Variants in IQSEC1 observed in about 807,000 individuals in gnomAD.
IQSEC1 encodes IQ motif and SEC7 domain-containing protein 1.
IQSEC1 carries 31 observed loss-of-function variants against 91.0 expected under a neutral mutation model. The ratio of observed to expected loss-of-function variants is 0.34; its 90% confidence interval spans 0.26 to 0.46. The LOEUF is 0.46. IQSEC1 is among the 20% of genes least tolerant of loss of function. The probability of loss-of-function intolerance (pLI) is 1.00; values close to 1 mark genes in which losing one functional copy is unlikely to be tolerated. For synonymous variants in IQSEC1, 699 were observed against 662.6 expected, an observed-to-expected ratio of 1.05 and a Z score of -0.84; for missense variants, 1,388 against 1,575.6, an observed-to-expected ratio of 0.88 and a Z score of 2.02.
intron 2 of IQSEC1, among the ~76,000 whole-genome samples, chr3:13,081,386 G>T (rs1048978689): frequency 6.6e-6 from 1 of 152,050 alleles, no homozygotes; most frequent in Non-Finnish European, 1.5e-5. Flanking sequence ...CTCCCACCTC[G>T]GCCTTCCAAA....
Position 12,909,253 on chromosome 3 carries a change from CCATGAGG to C in IQSEC1, c.2578+13_2578+19del. The C allele has an allele frequency of 6.2e-7, 1 of 1,611,922 alleles. No homozygotes were observed. The highest frequency in any genetic ancestry group is 8.5e-7 in the Non-Finnish European group (1 of 1,178,292). ...AGTCTGGCAAGTCTCGGCCTTCTGT[CCATGAGG>C]CCTGGTACTCACACTCTATCCTGTG... On this transcript the variant is annotated intron_variant, in intron 11 of 13. Coordinates refer to ENST00000613206, the MANE Select transcript of IQSEC1 (RefSeq NM_001134382.3). The surrounding 1 kb of genome is among the most constrained non-coding windows in gnomAD (Gnocchi z 4.9).
At chr3:13,268,711 C>T (rs1303661452) in intron 1 of IQSEC1, among the ~76,000 whole-genome samples, 9 of 152,232 alleles carry the variant, frequency 5.9e-5, no homozygotes, top group Non-Finnish European at 2.9e-5. Flanking sequence ...AAGTCCTTTG[C>T]CCCTAGGGGT....
intron 1 of IQSEC1, among the ~76,000 whole-genome samples, chr3:13,051,075 G>T (rs1704674599): frequency 6.6e-6 from 1 of 152,150 alleles, no homozygotes; most frequent in South Asian, 2.1e-4. Flanking sequence ...CCAGAGTTCT[G>T]TCCACCTGCT....
intron 1 of IQSEC1, among the ~76,000 whole-genome samples, chr3:13,183,569 C>CA (rs1241163234): frequency 1.0e-4 from 15 of 147,070 alleles, no homozygotes; most frequent in South Asian, 4.3e-4. Flanking sequence ...CCATCTCAAA[C>CA]AAAAAAAAAG....
At chr3:13,003,544 T>G (rs1197380957) in intron 1 of IQSEC1, among the ~76,000 whole-genome samples, 1 of 152,156 alleles carries the variant, frequency 6.6e-6, no homozygotes, top group African/African-American at 2.4e-5. Context: ...AAAAATAAAA[T>G]TGTGATGGTT....
intron 2 of IQSEC1, among the ~76,000 whole-genome samples, chr3:12,938,400 G>A (rs1176964598): frequency 6.6e-6 from 1 of 152,194 alleles, no homozygotes; most frequent in Non-Finnish European, 1.5e-5. Context: ...GGCCACGCAG[G>A]GCCTTGCATG....
intron 1 of IQSEC1, among the ~76,000 whole-genome samples, chr3:12,989,524 G>A (rs1054067773): frequency 2.6e-5 from 4 of 152,176 alleles, no homozygotes; most frequent in Non-Finnish European, 5.9e-5. Flanking sequence ...CATGCACAAA[G>A]CTAGGAAGCT....
chr3:12,936,727 C>A (rs1408506420), intron 2 of IQSEC1, 30 bp from the exon 3 acceptor site: 4 of 1,533,932 alleles, frequency 2.6e-6, no homozygotes, highest in Admixed American at 2.0e-5. Context: ...ATGAGAACAG[C>A]ACTGCATGTA....
Position 12,908,874 on chromosome 3 carries a change from CTCCAAGGAGTAGACCTGGA to C in IQSEC1, c.2579-368_2579-350del, listed in dbSNP as rs943912477. ...GGCAGTGGTAGGGAGTCCCATGTGC[CTCCAAGGAGTAGACCTGGA>C]GCCAGGGAGTAGACCTGGAGCCAGG... On this transcript the variant is annotated intron_variant, in intron 11 of 13. Transcript: ENST00000613206. This position sits in a 1 kb window ranked among gnomAD's most constrained non-coding sequence, Gnocchi z 4.9. 2.0e-5 allele frequency among the ~76,000 whole-genome samples: 3 copies of C among 151,940 alleles called. No individual in the cohort carries two copies. Among genetic ancestry groups the C allele is most frequent in the Non-Finnish European group, 2.9e-5 (2 of 67,966 alleles).
At chr3:13,083,951 C>T (rs1219383825) in intron 2 of IQSEC1, among the ~76,000 whole-genome samples, 1 of 152,214 alleles carries the variant, frequency 6.6e-6, no homozygotes, top group Admixed American at 6.5e-5. Flanking sequence ...AGTGAGAGAG[C>T]CTTCCCCCCA....
intron 1 of IQSEC1, among the ~76,000 whole-genome samples, chr3:12,995,931 T>G (rs932768689): frequency 1.3e-5 from 2 of 152,168 alleles, no homozygotes; most frequent in African/African-American, 4.8e-5. Flanking sequence ...GTAATCCCAG[T>G]GCTTTGGGAG....
At chr3:13,054,764 G>A (rs1458920899) in intron 1 of IQSEC1, among the ~76,000 whole-genome samples, 2 of 152,224 alleles carry the variant, frequency 1.3e-5, no homozygotes, top group Non-Finnish European at 2.9e-5. Context: ...ATCCCCGAGG[G>A]GGGAGGCTGT....
At chr3:13,168,876 C>A (rs1235241084) in intron 1 of IQSEC1, among the ~76,000 whole-genome samples, 2 of 152,186 alleles carry the variant, frequency 1.3e-5, no homozygotes, top group Non-Finnish European at 2.9e-5. Context: ...GCCATATTAC[C>A]CCATTCATCC....
intron 1 of IQSEC1, among the ~76,000 whole-genome samples, chr3:13,174,841 C>T (rs796611275): frequency 2.0e-5 from 3 of 151,588 alleles, no homozygotes; most frequent in South Asian, 2.1e-4. Flanking sequence ...GCTCCCCCCC[C>T]CCACCTCCTC....
At chr3:13,164,491 A>G (rs1004086494) in intron 1 of IQSEC1, among the ~76,000 whole-genome samples, 1 of 152,174 alleles carries the variant, frequency 6.6e-6, no homozygotes, top group African/African-American at 2.4e-5. Flanking sequence ...CAGCAACTAA[A>G]TGAATGAATG....
chr3:13,239,945 AGAT>A (rs1694993470), intron 1 of IQSEC1, among the ~76,000 whole-genome samples: 1 of 152,216 alleles, frequency 6.6e-6, no homozygotes, highest in African/African-American at 2.4e-5. Flanking sequence ...GTTCTGAAAC[AGAT>A]GATGGTGACG....
At position 12,901,531 on chromosome 3, in the gene IQSEC1, G is replaced by C; in HGVS notation, c.2806-9C>G. On this transcript the variant is annotated splice_polypyrimidine_tract_variant and intron_variant, in intron 13 of 13. Coordinates refer to ENST00000613206, the MANE Select transcript of IQSEC1 (RefSeq NM_001134382.3). ...CTGCTAATGATGGACCCCTAAAAAGGAAATTCATAGAAATCAAAATTAAAA... is the reference window on the plus strand; with the variant it reads ...CTGCTAATGATGGACCCCTAAAAAGCAAATTCATAGAAATCAAAATTAAAA... The C allele has an allele frequency of 6.5e-7, 1 of 1,538,186 alleles. No individual in the cohort carries two copies. Among genetic ancestry groups the C allele is most frequent in the Non-Finnish European group, 8.8e-7 (1 of 1,141,960 alleles).
At chr3:13,164,308 C>T (rs973506137) in intron 1 of IQSEC1, among the ~76,000 whole-genome samples, 1 of 152,176 alleles carries the variant, frequency 6.6e-6, no homozygotes, top group African/African-American at 2.4e-5. Context: ...GTTCCTTTGA[C>T]CTGGAACTGT....
intron 8 of IQSEC1, among the ~76,000 whole-genome samples, chr3:12,914,182 C>T (rs1190081363): frequency 1.3e-5 from 2 of 152,372 alleles, no homozygotes; most frequent in East Asian, 1.9e-4. Context: ...TGGACCCGTC[C>T]TCTGCTCCCC....
Sources: allele counts gnomAD v4.1 joint callset (sites outside exome capture counted in the v4.1 genomes callset), GRCh38; gene constraint gnomAD v4.1.1; non-coding constraint Gnocchi (gnomAD v3.1); transcripts MANE v1.5; gene names NCBI Gene and HGNC (gene_info 2026-07-23, HGNC 2026-07-21).